WWC1: variants seen among roughly 807,000 people sequenced by gnomAD.
WWC1 encodes protein KIBRA.
Under a neutral mutation model 138.4 loss-of-function variants are expected in WWC1, and 55 were observed. That is an observed-to-expected ratio of 0.40 (90% confidence interval 0.32 to 0.50). WWC1 has a LOEUF of 0.50. Among genes scored for constraint, WWC1 ranks in the 20% least tolerant of loss-of-function variants. The pLI is 0.72. For missense variants in WWC1, 1,226 were observed against 1,420.4 expected (o/e 0.86, Z 2.20); for synonymous variants, 524 against 564.9 (o/e 0.93, Z 1.03).
chr5:168,293,630 T>A (rs1769266479), intron 1 of WWC1, among the ~76,000 whole-genome samples: 1 of 152,200 alleles, frequency 6.6e-6, no homozygotes, highest in African/African-American at 2.4e-5. Flanking sequence ...TTAGGCAAGC[T>A]GCTTCAACCT....
chr5:168,360,682 G>T (rs927795528), intron 1 of WWC1, among the ~76,000 whole-genome samples: 3 of 152,244 alleles, frequency 2.0e-5, no homozygotes, highest in African/African-American at 4.8e-5. Context: ...GCATCGTCAG[G>T]CTTCAAACCC....
At chr5:168,467,027 C>A (rs182238242) in intron 21 of WWC1, among the ~76,000 whole-genome samples, 1 of 152,094 alleles carries the variant, frequency 6.6e-6, no homozygotes, top group South Asian at 2.1e-4. Context: ...TTTGGGAGGC[C>A]GAGGCGGGCA....
chr5:168,428,444 G>A (rs1475090904), intron 12 of WWC1, among the ~76,000 whole-genome samples: 1 of 152,118 alleles, frequency 6.6e-6, no homozygotes, highest in Non-Finnish European at 1.5e-5. Context: ...TCCAAGCTGG[G>A]CATAGTGGTG....
chr5:168,403,846 A>T (rs1779569954), intron 5 of WWC1, among the ~76,000 whole-genome samples: 1 of 148,040 alleles, frequency 6.8e-6, no homozygotes, highest in Non-Finnish European at 1.5e-5. Context: ...CAGCTGAGGA[A>T]TTTGGAAATC....
chr5:168,370,227 A>G (rs560052302), intron 1 of WWC1, among the ~76,000 whole-genome samples: 6 of 152,172 alleles, frequency 3.9e-5, no homozygotes, highest in Non-Finnish European at 7.3e-5. Context: ...TTGAGCGCCA[A>G]TTGTGCTGGA....
At chr5:168,378,268 G>T (rs1468777952) in intron 2 of WWC1, among the ~76,000 whole-genome samples, 1 of 152,070 alleles carries the variant, frequency 6.6e-6, no homozygotes, top group East Asian at 1.9e-4. Context: ...GCAGCAATAG[G>T]CACTAGGGGC....
At chr5:168,427,773 G>T (rs1781620167) in intron 11 of WWC1, among the ~76,000 whole-genome samples, 1 of 151,612 alleles carries the variant, frequency 6.6e-6, no homozygotes, top group Admixed American at 6.6e-5. Context: ...GGGCAATATG[G>T]CAAAACCCCA....
intron 1 of WWC1, among the ~76,000 whole-genome samples, chr5:168,343,976 C>T (rs1034979558): frequency 1.3e-5 from 2 of 152,132 alleles, no homozygotes; most frequent in African/African-American, 2.4e-5. Flanking sequence ...CCCCTCGGCT[C>T]AGTTACACAT....
At chr5:168,348,561 T>C (rs1581994392) in intron 1 of WWC1, among the ~76,000 whole-genome samples, 1 of 152,162 alleles carries the variant, frequency 6.6e-6, no homozygotes, top group East Asian at 1.9e-4. Context: ...TGACCTCAGG[T>C]GGGCCAGAGG....
At chr5:168,442,269 T>C (rs1267200880) in intron 16 of WWC1, among the ~76,000 whole-genome samples, 1 of 152,024 alleles carries the variant, frequency 6.6e-6, no homozygotes, top group East Asian at 1.9e-4. Flanking sequence ...ATATCACCTC[T>C]CTGAGCTTTC....
chr5:168,364,911 C>T (rs988334905), intron 1 of WWC1, among the ~76,000 whole-genome samples: 1 of 152,224 alleles, frequency 6.6e-6, no homozygotes, highest in Non-Finnish European at 1.5e-5. Context: ...CTATCTGTCT[C>T]TTTCCTCTGT....
intron 16 of WWC1, among the ~76,000 whole-genome samples, chr5:168,444,049 T>C (rs1285584945): frequency 1.3e-5 from 2 of 152,218 alleles, no homozygotes; most frequent in Admixed American, 6.5e-5. Flanking sequence ...CAGGAAGCCC[T>C]CCCTGAATGC....
At chr5:168,305,020 T>C (rs1770422542) in intron 1 of WWC1, among the ~76,000 whole-genome samples, 1 of 152,034 alleles carries the variant, frequency 6.6e-6, no homozygotes, top group African/African-American at 2.4e-5. Flanking sequence ...AGACAGGGTT[T>C]CTCCATGTTG....
intron 20 of WWC1, among the ~76,000 whole-genome samples, chr5:168,463,191 G>T (rs931521296): frequency 3.3e-5 from 5 of 152,178 alleles, no homozygotes; most frequent in Non-Finnish European, 7.3e-5. Flanking sequence ...CGCTGGTCAG[G>T]AGCTTAAGCA....
At chr5:168,314,774 C>T (rs1346241920) in intron 1 of WWC1, among the ~76,000 whole-genome samples, 2 of 152,134 alleles carry the variant, frequency 1.3e-5, no homozygotes, top group Non-Finnish European at 2.9e-5. Context: ...AGGAGCCATT[C>T]ACGGGCTGCA....
At chr5:168,429,947 A>T (rs553146426) in intron 13 of WWC1, among the ~76,000 whole-genome samples, 190 bp from the exon 14 acceptor site, 2 of 152,254 alleles carry the variant, frequency 1.3e-5, no homozygotes, top group South Asian at 4.2e-4. Context: ...ACAAAAAAAA[A>T]ATTTTCAAAC....
intron 1 of WWC1, among the ~76,000 whole-genome samples, chr5:168,303,821 C>G (rs1770305487): frequency 6.6e-6 from 1 of 152,022 alleles, no homozygotes; most frequent in Non-Finnish European, 1.5e-5. Context: ...CTCCTTCACC[C>G]CAGGGGACTT....
intron 20 of WWC1, among the ~76,000 whole-genome samples, chr5:168,464,259 T>G (rs1315346419): frequency 6.6e-6 from 1 of 152,124 alleles, no homozygotes; most frequent in Non-Finnish European, 1.5e-5. Context: ...GGAACAGACC[T>G]GTATTGGGGA....
chr5:168,381,000 G>C (rs1420079720), intron 2 of WWC1, among the ~76,000 whole-genome samples: 1 of 152,084 alleles, frequency 6.6e-6, no homozygotes, highest in African/African-American at 2.4e-5. Context: ...GATCATTGGG[G>C]TAAAGGAAAT....
Sources: gnomAD v4.1 joint callset for allele counts (sites outside exome capture counted in the v4.1 genomes callset) on GRCh38, gnomAD v4.1.1 for gene constraint, MANE v1.5 for transcripts, NCBI Gene and HGNC (gene_info 2026-07-23, HGNC 2026-07-21) for gene names.